The following HPSE2 variants were observed in gnomAD, a reference collection of about 807,000 sequenced individuals.
HPSE2 encodes heparanase 2 (inactive), also known as inactive heparanase-2.
HPSE2 carries 38 observed loss-of-function variants against 60.5 expected under a neutral mutation model. That is an observed-to-expected ratio of 0.63 (90% CI 0.48 to 0.82). The LOEUF (loss-of-function observed/expected upper bound fraction) is 0.82, where lower values mean the gene tolerates loss of function less well. Among genes scored for constraint, HPSE2 ranks in the 40% least tolerant of loss-of-function variants. HPSE2 has a pLI of 0.00. For missense variants in HPSE2, 713 were observed against 740.4 expected (o/e 0.96, Z 0.43); for synonymous variants, 295 against 293.2 (o/e 1.01, Z -0.06).
intron 6 of HPSE2, among the ~76,000 whole-genome samples, chr10:98,685,224 G>A (rs1199408202): frequency 1.3e-5 from 2 of 152,082 alleles, no homozygotes; most frequent in African/African-American, 4.8e-5. Context: ...ACGTCATCAG[G>A]CAAACCACTA....
chr10:99,186,892 C>T (rs1417297423), intron 2 of HPSE2, among the ~76,000 whole-genome samples: 2 of 152,058 alleles, frequency 1.3e-5, no homozygotes, highest in African/African-American at 4.8e-5. Context: ...AAGCTATCCT[C>T]CCACTTCAGT....
intron 9 of HPSE2, among the ~76,000 whole-genome samples, chr10:98,522,421 G>A (rs183147578): frequency 1.9e-3 from 296 of 152,138 alleles, no homozygotes; most frequent in African/African-American, 6.6e-3. Context: ...CCCGGGGGGC[G>A]GGGGAAATAG....
intron 3 of HPSE2, among the ~76,000 whole-genome samples, chr10:98,987,164 A>G (rs904313778): frequency 6.6e-6 from 1 of 152,140 alleles, no homozygotes; most frequent in Non-Finnish European, 1.5e-5. Flanking sequence ...TCATCCTGAT[A>G]CCAAAGCCTG....
chr10:99,283,477 G>T, the HPSE2 span, among the ~76,000 whole-genome samples: 1 of 150,356 alleles, frequency 6.7e-6, no homozygotes, highest in Non-Finnish European at 1.5e-5. Context: ...CTCCAGCCTG[G>T]GTGACACAGC....
chr10:99,098,824 C>T (rs7085445), intron 3 of HPSE2, among the ~76,000 whole-genome samples: 102,485 of 152,092 alleles, frequency 0.67, 37,839 homozygotes, highest in Non-Finnish European at 0.81. Context: ...ATCAGTAATA[C>T]TTCACCAACA....
intron 3 of HPSE2, among the ~76,000 whole-genome samples, chr10:98,984,729 A>G (rs899271490): frequency 3.3e-5 from 5 of 152,218 alleles, no homozygotes; most frequent in Admixed American, 6.5e-5. Flanking sequence ...ATGGCAAAGA[A>G]GTTAGAACCT....
chr10:99,033,286 A>T (rs950467497), intron 3 of HPSE2, among the ~76,000 whole-genome samples: 3 of 152,204 alleles, frequency 2.0e-5, no homozygotes, highest in East Asian at 1.9e-4. Context: ...GTATTTTCTA[A>T]TTTTTCTTCA....
At chr10:99,315,563 T>A in the HPSE2 span, among the ~76,000 whole-genome samples, 4 of 152,018 alleles carry the variant, frequency 2.6e-5, no homozygotes, top group Admixed American at 6.6e-5. Flanking sequence ...GTAGAAGGAA[T>A]GGAATGAAGA....
intron 3 of HPSE2, among the ~76,000 whole-genome samples, chr10:98,796,304 A>G (rs1471815661): frequency 6.6e-6 from 1 of 152,066 alleles, no homozygotes; most frequent in African/African-American, 2.4e-5. Flanking sequence ...TTCCCTGAAG[A>G]GTTAGTCCCA....
chr10:99,186,155 A>ACACACACACACACAC (rs1294707362), intron 2 of HPSE2, among the ~76,000 whole-genome samples: 1 of 45,978 alleles, frequency 2.2e-5, no homozygotes, highest in African/African-American at 4.8e-5. Context: ...CACACACACA[A>ACACACACACACACAC]GGCATATCAT....
chr10:99,001,202 T>G (rs1169957528), intron 3 of HPSE2, among the ~76,000 whole-genome samples: 1 of 152,146 alleles, frequency 6.6e-6, no homozygotes, highest in East Asian at 1.9e-4. Flanking sequence ...GATTTATATT[T>G]AAATCCAGAT....
At chr10:98,468,068 G>T (rs1412062694) in intron 11 of HPSE2, among the ~76,000 whole-genome samples, 1 of 152,262 alleles carries the variant, frequency 6.6e-6, no homozygotes, top group Non-Finnish European at 1.5e-5. Context: ...CGGCCCCCTC[G>T]CTGAGCGAGG....
Position 98,607,073 on chromosome 10 carries a change from C to A in HPSE2, c.1320+7831G>T, listed in dbSNP as rs1187935766. 2.6e-3 allele frequency among the ~76,000 whole-genome samples: 355 copies of A among 136,548 alleles called. 1 individual carries two copies. Among genetic ancestry groups the A allele is most frequent in the African/African-American group, 9.2e-3 (339 of 36,916 alleles). 89.6% of individuals were successfully genotyped at this position (136,548 alleles called of 152,430 possible). The stretch of plus-strand genomic sequence containing the variant: ...TTTCTTTCTCCCTCCCTCCCTCCCT[C>A]CCTCTCTCCCTCCCTCCCTCCCTCT... On this transcript the variant is annotated intron_variant, in intron 9 of 11. Transcript: ENST00000370552.
At chr10:98,635,815 G>A (rs759822097) in intron 7 of HPSE2, among the ~76,000 whole-genome samples, 29 of 151,556 alleles carry the variant, frequency 1.9e-4, no homozygotes, top group Non-Finnish European at 3.4e-4. Flanking sequence ...GGATAAACTG[G>A]CATATATATT....
chr10:99,003,201 G>C (rs1956814720), intron 3 of HPSE2, among the ~76,000 whole-genome samples: 1 of 152,034 alleles, frequency 6.6e-6, no homozygotes, highest in Non-Finnish European at 1.5e-5. Context: ...TTTTAAGGCT[G>C]AATAGTATTC....
intron 3 of HPSE2, among the ~76,000 whole-genome samples, chr10:99,066,246 T>G (rs1842613396): frequency 6.6e-6 from 1 of 152,138 alleles, no homozygotes; most frequent in South Asian, 2.1e-4. Flanking sequence ...AGCAATAAAT[T>G]TATCCATTTT....
At chr10:99,252,596 G>T in the HPSE2 span, among the ~76,000 whole-genome samples, 1 of 152,068 alleles carries the variant, frequency 6.6e-6, no homozygotes, top group South Asian at 2.1e-4. Context: ...TGAAATACCG[G>T]CCAGGCGCAG....
At chr10:98,953,334 T>G (rs1019309775) in intron 3 of HPSE2, among the ~76,000 whole-genome samples, 4 of 152,154 alleles carry the variant, frequency 2.6e-5, no homozygotes, top group Non-Finnish European at 4.4e-5. Flanking sequence ...TATCCCACAC[T>G]GCACATGTCT....
At chr10:98,772,038 G>T (rs1276344074) in intron 3 of HPSE2, among the ~76,000 whole-genome samples, 1 of 152,188 alleles carries the variant, frequency 6.6e-6, no homozygotes, top group African/African-American at 2.4e-5. Flanking sequence ...GTTCAGTGAT[G>T]GCTGTTATCT....
Sources: gnomAD v4.1 joint callset for allele counts (sites outside exome capture counted in the v4.1 genomes callset) on GRCh38, gnomAD v4.1.1 for gene constraint, MANE v1.5 for transcripts, NCBI Gene and HGNC (gene_info 2026-07-23, HGNC 2026-07-21) for gene names.